MTMR8: variants seen among roughly 807,000 people sequenced by gnomAD.
The protein encoded by MTMR8 is myotubularin related protein 8.
A neutral mutation model predicts 39.3 loss-of-function variants in MTMR8; 65 were observed. The observed-to-expected ratio is 1.65, with a 90% CI of 1.35 to 2.03. MTMR8 has a LOEUF of 2.03. MTMR8 is among the 30% of genes most tolerant of loss of function. MTMR8 has a pLI of 0.00. For missense variants in MTMR8, 777 were observed against 538.9 expected (o/e 1.44, Z -4.37); for synonymous variants, 245 against 185.2 (o/e 1.32, Z -2.62).
At chrX:64,377,757 G>T (rs1924308302) in intron 1 of MTMR8, among the ~76,000 whole-genome samples, 1 of 111,992 alleles carries the variant, frequency 8.9e-6, no homozygotes, top group African/African-American at 3.2e-5. Context: ...TGACTGTTTT[G>T]AAATGTGAGA....
chrX:64,320,750 A>G (rs898123480), intron 12 of MTMR8, among the ~76,000 whole-genome samples: 1 of 111,309 alleles, frequency 9.0e-6, no homozygotes, highest in Non-Finnish European at 1.9e-5. Flanking sequence ...GGTCAGACCT[A>G]TTCTCAGAAA....
chrX:64,329,569 C>T (rs896586139), intron 11 of MTMR8, among the ~76,000 whole-genome samples: 73 of 110,964 alleles, frequency 6.6e-4, no homozygotes, highest in African/African-American at 2.2e-3. Flanking sequence ...TAAGCAAGTC[C>T]CTTAGTTAAC....
At chrX:64,318,863 T>A (rs1199174155) in intron 12 of MTMR8, among the ~76,000 whole-genome samples, 1 of 110,562 alleles carries the variant, frequency 9.0e-6, no homozygotes, top group Non-Finnish European at 1.9e-5. Flanking sequence ...GTATTTTTAG[T>A]AGAGACGGGA....
At chrX:64,309,935 CGACGTT>C (rs1262832989) in intron 12 of MTMR8, among the ~76,000 whole-genome samples, 1 of 111,784 alleles carries the variant, frequency 8.9e-6, no homozygotes, top group Non-Finnish European at 1.9e-5. Flanking sequence ...AGTCTTGCCT[CGACGTT>C]GATGGCTGCT....
At chrX:64,393,402 A>G (rs1392904347) in intron 1 of MTMR8, among the ~76,000 whole-genome samples, 1 of 111,969 alleles carries the variant, frequency 8.9e-6, no homozygotes, top group Non-Finnish European at 1.9e-5. Flanking sequence ...TCTCCCTTCC[A>G]ATTTCCATAG....
chrX:64,281,138 G>T (rs184012440), intron 12 of MTMR8, among the ~76,000 whole-genome samples: 3 of 111,360 alleles, frequency 2.7e-5, no homozygotes, highest in African/African-American at 9.8e-5. Flanking sequence ...GTAATTTAGA[G>T]ATTCAATGCT....
intron 10 of MTMR8, among the ~76,000 whole-genome samples, chrX:64,333,925 T>C (rs1923005935): frequency 8.9e-6 from 1 of 111,871 alleles, no homozygotes; most frequent in Non-Finnish European, 1.9e-5. Context: ...TATTCTTATC[T>C]CACTAATCAC....
At chrX:64,328,349 T>A (rs904290008) in intron 12 of MTMR8, among the ~76,000 whole-genome samples, 1 of 112,049 alleles carries the variant, frequency 8.9e-6, no homozygotes, top group Non-Finnish European at 1.9e-5. Flanking sequence ...AATATATTAA[T>A]CTCTGTTTTG....
rs753572045 is a variant in MTMR8 at position 64,377,537 on chromosome X, C to T, written c.24+17803G>A. Among the ~76,000 whole-genome samples the T allele has an allele frequency of 1.1e-4, 12 of 112,347 alleles. No individual in the cohort carries two copies. In the South Asian group the frequency reaches 2.6e-3, roughly 24 times the overall value. ...TGCTGGGTTTCAAACTTGCATGGTG[C>T]CTCTTTGTTTTGGCCAATATATCCC... is the stretch of plus-strand genomic sequence containing the variant. On this transcript the variant is annotated intron_variant, in intron 1 of 13. Transcript: ENST00000374852.
At chrX:64,375,047 C>CAAAAAA (rs34716248) in intron 1 of MTMR8, among the ~76,000 whole-genome samples, 1 of 55,997 alleles carries the variant, frequency 1.8e-5, no homozygotes, top group Admixed American at 2.4e-4. Context: ...TTGTTTTAAG[C>CAAAAAA]AAAAAAAAAA....
At chrX:64,350,958 TA>T (rs1171827454) in intron 4 of MTMR8, among the ~76,000 whole-genome samples, 5 of 110,522 alleles carry the variant, frequency 4.5e-5, no homozygotes, top group Non-Finnish European at 9.5e-5. Context: ...CAGGCAAAAA[TA>T]AAAAAAGTTA....
At chrX:64,284,879 C>A (rs1009469522) in intron 12 of MTMR8, among the ~76,000 whole-genome samples, 26 of 111,872 alleles carry the variant, frequency 2.3e-4, no homozygotes, top group Non-Finnish European at 4.5e-4. Flanking sequence ...CAGGCTAAAT[C>A]GTAAAGACCA....
intron 12 of MTMR8, among the ~76,000 whole-genome samples, chrX:64,282,942 C>A (rs756537808): frequency 1.8e-5 from 2 of 111,737 alleles, no homozygotes; most frequent in Non-Finnish European, 1.9e-5. Context: ...AACTGAGGTA[C>A]TGGGTTCATC....
At chrX:64,306,463 C>T (rs933584954) in intron 12 of MTMR8, 3 of 148,533 alleles carry the variant, frequency 2.0e-5, no homozygotes, top group African/African-American at 9.5e-5. Flanking sequence ...TTCCTAGCAG[C>T]CCGAACTGCA....
At chrX:64,385,894 T>G (rs1393607635) in intron 1 of MTMR8, among the ~76,000 whole-genome samples, 1 of 111,327 alleles carries the variant, frequency 9.0e-6, no homozygotes, top group African/African-American at 3.3e-5. Flanking sequence ...CAGAGACCAT[T>G]GTTTTGGACA....
chrX:64,384,737 G>A (rs776308850), intron 1 of MTMR8, among the ~76,000 whole-genome samples: 1 of 112,610 alleles, frequency 8.9e-6, no homozygotes, highest in Admixed American at 9.4e-5. Flanking sequence ...GGGCTGCAGG[G>A]CCTTCGGCCT....
At chrX:64,365,772 A>T (rs867602264) in intron 1 of MTMR8, among the ~76,000 whole-genome samples, 13 of 111,881 alleles carry the variant, frequency 1.2e-4, no homozygotes, top group Middle Eastern at 4.6e-3. Flanking sequence ...ATTAACCTTA[A>T]ATGTAAATGG....
intron 12 of MTMR8, among the ~76,000 whole-genome samples, chrX:64,297,813 C>T (rs1244837775): frequency 3.6e-5 from 4 of 110,868 alleles, no homozygotes; most frequent in Non-Finnish European, 5.7e-5. Flanking sequence ...TAGACAGTTT[C>T]CCCAGCACCA....
intron 1 of MTMR8, among the ~76,000 whole-genome samples, chrX:64,380,097 C>A (rs1315752392): frequency 8.9e-6 from 1 of 112,139 alleles, no homozygotes; most frequent in Non-Finnish European, 1.9e-5. Context: ...CTCACAAACA[C>A]AAACCTCCTT....
Sources: allele counts gnomAD v4.1 joint callset (sites outside exome capture counted in the v4.1 genomes callset), GRCh38; gene constraint gnomAD v4.1.1; transcripts MANE v1.5; gene names NCBI Gene and HGNC (gene_info 2026-07-23, HGNC 2026-07-21).